The following RNF38 variants were observed in gnomAD, a reference collection of about 807,000 sequenced individuals.
RNF38 encodes the protein E3 ubiquitin-protein ligase RNF38.
In RNF38, 15 loss-of-function variants were observed where a neutral mutation model predicts 67.2. The observed-to-expected ratio is 0.22, with a 90% CI of 0.15 to 0.34. RNF38 has a LOEUF of 0.34. Ranked by LOEUF, RNF38 falls within the 10% of genes least tolerant of loss-of-function variation. The pLI is 1.00. For synonymous variants in RNF38, 220 were observed against 218.8 expected, an observed-to-expected ratio of 1.01 and a Z score of -0.05; for missense variants, 524 against 639.9, an observed-to-expected ratio of 0.82 and a Z score of 1.95.
chr9:36,452,334 A>G (rs1477950862), intron 1 of RNF38, among the ~76,000 whole-genome samples: 7 of 152,178 alleles, frequency 4.6e-5, no homozygotes, highest in Non-Finnish European at 1.0e-4. Flanking sequence ...GAAACCCTGT[A>G]TCCATTAGCA....
At chr9:36,478,791 T>C (rs1003721757) in intron 1 of RNF38, among the ~76,000 whole-genome samples, 4 of 137,450 alleles carry the variant, frequency 2.9e-5, no homozygotes, top group Non-Finnish European at 1.5e-5. Context: ...CACTCCAGCC[T>C]GGGCAACAAG....
intron 6 of RNF38, among the ~76,000 whole-genome samples, chr9:36,354,137 C>T (rs1833913375): frequency 6.6e-6 from 1 of 152,148 alleles, no homozygotes; most frequent in South Asian, 2.1e-4. Flanking sequence ...CAAAAAGAAA[C>T]TGTATACCCA....
upstream of RNF38, chr9:36,400,825 C>T: frequency 3.0e-6 from 3 of 985,324 alleles, no homozygotes; most frequent in South Asian, 4.7e-5. Context: ...TCCTCTCCGC[C>T]CCCACGCCCC....
intron 1 of RNF38, among the ~76,000 whole-genome samples, chr9:36,479,643 A>C (rs1261977820): frequency 6.6e-6 from 1 of 152,204 alleles, no homozygotes; most frequent in East Asian, 1.9e-4. Flanking sequence ...AAAAGCTATC[A>C]TCCTAATTAA....
intron 4 of RNF38, among the ~76,000 whole-genome samples, chr9:36,364,865 C>T (rs1157091465): frequency 1.3e-5 from 2 of 152,192 alleles, no homozygotes; most frequent in African/African-American, 4.8e-5. Context: ...GATGCTGCTG[C>T]TGCTCAGCTG....
At chr9:36,382,325 G>GA (rs1361460386) in intron 2 of RNF38, among the ~76,000 whole-genome samples, 2 of 152,094 alleles carry the variant, frequency 1.3e-5, no homozygotes, top group Non-Finnish European at 2.9e-5. Context: ...ATGGGAGGAA[G>GA]GAAGGAAAGG....
intron 1 of RNF38, among the ~76,000 whole-genome samples, chr9:36,480,390 A>G (rs988931071): frequency 4.6e-5 from 7 of 152,118 alleles, no homozygotes; most frequent in Non-Finnish European, 1.0e-4. Flanking sequence ...ACAAATTTCA[A>G]CAGAAGGTCA....
chr9:36,453,015 T>C (rs1255072916), intron 1 of RNF38, among the ~76,000 whole-genome samples: 1 of 152,184 alleles, frequency 6.6e-6, no homozygotes, highest in African/African-American at 2.4e-5. Flanking sequence ...GTTGGGTATC[T>C]AGGAGTGGAA....
At chr9:36,364,717 G>C (rs1241617762) in intron 4 of RNF38, among the ~76,000 whole-genome samples, 1 of 152,158 alleles carries the variant, frequency 6.6e-6, no homozygotes, top group Non-Finnish European at 1.5e-5. Context: ...CTAGAACAGT[G>C]GTTCTCTAAT....
intron 1 of RNF38, among the ~76,000 whole-genome samples, chr9:36,455,128 T>C (rs1377746053): frequency 6.6e-6 from 1 of 150,604 alleles, no homozygotes; most frequent in African/African-American, 2.4e-5. Flanking sequence ...GGTGCGATCT[T>C]GGCTCACTGC....
At chr9:36,485,176 G>A (rs115206798) in intron 1 of RNF38, among the ~76,000 whole-genome samples, 8,036 of 152,054 alleles carry the variant, frequency 0.053, 651 homozygotes, top group African/African-American at 0.18. Flanking sequence ...CAAAACAAAC[G>A]AACAAACAAA....
Position 36,478,398 on chromosome 9 carries a change from C to G in RNF38, n.241+8910G>C, listed in dbSNP as rs113822159. Among the ~76,000 whole-genome samples, 440 of 99,190 alleles carry G rather than the reference C, an allele frequency of 4.4e-3. 5 individuals carry two copies. Among genetic ancestry groups the G allele is most frequent in the African/African-American group, 0.017 (421 of 25,108 alleles). The allele number at this position is 99,190 out of a possible 152,430, so 65.1% of individuals were successfully genotyped here. A position where few individuals can be genotyped will look rare whatever the true frequency, so the allele number is the denominator to read the frequency against. ...CAGCCTGGGGGAGAGAGCGAGACTC[C>G]GTCTCAAAAAAAAAAAAAAAAAAAA... On this transcript the variant is annotated intron_variant and non_coding_transcript_variant, in intron 1 of 3. Transcript: ENST00000488058.
chr9:36,348,655 T>C (rs886064361), intron 9 of RNF38, among the ~76,000 whole-genome samples: 3 of 152,236 alleles, frequency 2.0e-5, no homozygotes, highest in South Asian at 4.1e-4. Flanking sequence ...CCTTTAATTC[T>C]ATCAATGTTG....
intron 11 of RNF38, among the ~76,000 whole-genome samples, chr9:36,341,825 T>C (rs1832863675): frequency 4.8e-4 from 1 of 2,096 alleles, no homozygotes; most frequent in South Asian, 0.013. Context: ...TATATATATA[T>C]ATATATATAT....
At chr9:36,483,160 G>C (rs1044451876) in intron 1 of RNF38, among the ~76,000 whole-genome samples, 6 of 152,172 alleles carry the variant, frequency 3.9e-5, no homozygotes, top group African/African-American at 1.4e-4. Context: ...GCCGAGGCAG[G>C]CTGATCACAG....
intron 2 of RNF38, among the ~76,000 whole-genome samples, chr9:36,381,744 C>G (rs989240318): frequency 6.6e-6 from 1 of 152,208 alleles, no homozygotes; most frequent in Non-Finnish European, 1.5e-5. Context: ...CGGTTTGAAA[C>G]AATGTATACT....
intron 1 of RNF38, among the ~76,000 whole-genome samples, chr9:36,391,238 T>C (rs1252207736): frequency 1.3e-5 from 2 of 152,144 alleles, no homozygotes; most frequent in African/African-American, 4.8e-5. Context: ...GCCAATGCAG[T>C]GGTCACACCT....
intron 1 of RNF38, 30 bp downstream of exon 1, chr9:36,400,067 A>G (rs1191859582): frequency 3.1e-6 from 5 of 1,606,244 alleles, no homozygotes; most frequent in Non-Finnish European, 4.3e-6. Flanking sequence ...AGCATATATC[A>G]TTTTTGCAAC....
Position 36,449,748 on chromosome 9 carries a change from G to A in RNF38, n.242-25065C>T, listed in dbSNP as rs1177533458. ...CCGCTCCCAGCCTAGACCTTATCTC[G>A]TAAACAACAAACACAAAAACATTTG... On this transcript the variant is annotated intron_variant and non_coding_transcript_variant, in intron 1 of 3. Coordinates refer to the RNF38 transcript ENST00000488058. Among the ~76,000 whole-genome samples the A allele has an allele frequency of 2.6e-5, 4 of 152,138 alleles. No homozygotes were observed. The South Asian group carries it at 6.2e-4, about 24-fold the overall frequency.
Sources: gnomAD v4.1 joint callset for allele counts (sites outside exome capture counted in the v4.1 genomes callset) on GRCh38, gnomAD v4.1.1 for gene constraint, MANE v1.5 for transcripts, NCBI Gene and HGNC (gene_info 2026-07-23, HGNC 2026-07-21) for gene names.